SNX29: variants seen among roughly 807,000 people sequenced by gnomAD.
The protein encoded by SNX29 is sorting nexin-29.
SNX29 carries 78 observed loss-of-function variants against 102.1 expected under a neutral mutation model. The ratio of observed to expected loss-of-function variants is 0.76; its 90% confidence interval spans 0.64 to 0.92. The LOEUF is 0.92. Ranked by LOEUF, SNX29 falls within the 40% of genes least tolerant of loss-of-function variation. The pLI is 0.00. For synonymous variants in SNX29, 580 were observed against 414.5 expected (o/e 1.40, Z -4.85); for missense variants, 1,280 against 1,061.7 (o/e 1.21, Z -2.86).
At position 12,569,770 on chromosome 16, in the gene SNX29, C is replaced by T; in HGVS notation, c.*1141C>T. 4.3e-6 allele frequency: 1 copy of T among 230,576 alleles called. No homozygotes were observed. The highest frequency in any genetic ancestry group is 8.6e-6 in the Non-Finnish European group (1 of 116,314). 14.3% of individuals were successfully genotyped at this position (230,576 alleles called of 1,614,324 possible). ...CTCCAGTGAGCTCACATCAGAGCAC[C>T]TCACAGAGCAATAGCCGTCCTCAGA... On this transcript the variant is annotated 3_prime_UTR_variant, in exon 21 of 21. Transcript: ENST00000566228.
intron 15 of SNX29, among the ~76,000 whole-genome samples, chr16:12,290,205 C>G (rs901611927): frequency 1.3e-5 from 2 of 152,064 alleles, no homozygotes; most frequent in Non-Finnish European, 2.9e-5. Context: ...AGCCTTTTTG[C>G]TATACTCTTG....
intron 13 of SNX29, among the ~76,000 whole-genome samples, chr16:12,173,139 C>T (rs2076185344): frequency 6.6e-6 from 1 of 152,126 alleles, no homozygotes. Context: ...TCTGTGGAAC[C>T]GACAACCTCT....
At chr16:12,282,945 C>T (rs192560347) in intron 15 of SNX29, among the ~76,000 whole-genome samples, 3 of 152,358 alleles carry the variant, frequency 2.0e-5, no homozygotes, top group Admixed American at 2.0e-4. Context: ...GCGTGAGCCA[C>T]TGCACTCGGC....
chr16:12,542,020 C>T (rs552846826), intron 20 of SNX29, among the ~76,000 whole-genome samples: 1 of 152,046 alleles, frequency 6.6e-6, no homozygotes, highest in African/African-American at 2.4e-5. Flanking sequence ...CAGCACCGCT[C>T]TGTTTTTTCT....
chr16:12,078,744 A>G, intron 10 of SNX29, 89 bp from the exon 11 acceptor site: 1 of 1,078,484 alleles, frequency 9.3e-7, no homozygotes, highest in South Asian at 1.3e-5. Flanking sequence ...GAGGTACCGG[A>G]GTAAACCGAC....
intron 19 of SNX29, among the ~76,000 whole-genome samples, chr16:12,488,010 A>G (rs1376424960): frequency 2.0e-5 from 3 of 152,172 alleles, no homozygotes; most frequent in Non-Finnish European, 4.4e-5. Flanking sequence ...AAAACATCTC[A>G]GGGGAGAGAC....
At chr16:12,483,116 T>TTG (rs2088035503) in intron 19 of SNX29, among the ~76,000 whole-genome samples, 1 of 93,074 alleles carries the variant, frequency 1.1e-5, no homozygotes, top group African/African-American at 5.5e-5. Context: ...GTTATTAAGT[T>TTG]TTTTTTTTTT....
chr16:12,024,601 T>C (rs2057136514), intron 3 of SNX29, among the ~76,000 whole-genome samples: 1 of 152,170 alleles, frequency 6.6e-6, no homozygotes, highest in African/African-American at 2.4e-5. Context: ...ATTCGTGCAG[T>C]GTTAGGTTAG....
intron 13 of SNX29, among the ~76,000 whole-genome samples, chr16:12,151,097 T>A (rs1196412059): frequency 6.6e-6 from 1 of 152,236 alleles, no homozygotes; most frequent in Non-Finnish European, 1.5e-5. Context: ...CAAAAATAGA[T>A]GGAATAGTGT....
intron 15 of SNX29, among the ~76,000 whole-genome samples, chr16:12,286,555 C>T (rs2079606250): frequency 6.6e-6 from 1 of 151,670 alleles, no homozygotes; most frequent in African/African-American, 2.4e-5. Flanking sequence ...CCGTGTAAGC[C>T]AGGATGGTCT....
At chr16:12,283,332 CTTTTTT>C (rs1214287781) in intron 15 of SNX29, among the ~76,000 whole-genome samples, 1 of 120,082 alleles carries the variant, frequency 8.3e-6, no homozygotes, top group Non-Finnish European at 1.8e-5. Context: ...TTTTCTTTTT[CTTTTTT>C]GAGACAGAGC....
At chr16:12,508,743 C>T (rs1376546235) in intron 19 of SNX29, among the ~76,000 whole-genome samples, 2 of 152,158 alleles carry the variant, frequency 1.3e-5, no homozygotes, top group Non-Finnish European at 2.9e-5. Context: ...TTTATCTCCA[C>T]CAGCTCCAGG....
chr16:12,431,794 G>A (rs796761603), intron 18 of SNX29, among the ~76,000 whole-genome samples: 10 of 152,308 alleles, frequency 6.6e-5, no homozygotes, highest in African/African-American at 2.4e-4. Flanking sequence ...CTGTGAGGTC[G>A]GGTAATGCTC....
At chr16:12,568,473 A>C in intron 20 of SNX29, 33 bp from the exon 21 acceptor site, 1 of 1,606,200 alleles carries the variant, frequency 6.2e-7, no homozygotes. Context: ...TTTCATCCCC[A>C]GACTTAACCC....
intron 20 of SNX29, among the ~76,000 whole-genome samples, chr16:12,547,001 C>G (rs1332552423): frequency 6.6e-6 from 1 of 152,086 alleles, no homozygotes; most frequent in Non-Finnish European, 1.5e-5. Context: ...TGCACCATTT[C>G]AGATCCTGAT....
At chr16:12,116,830 A>G (rs1328012793) in intron 11 of SNX29, among the ~76,000 whole-genome samples, 2 of 152,146 alleles carry the variant, frequency 1.3e-5, no homozygotes, top group African/African-American at 4.8e-5. Context: ...GGCTTAGTCA[A>G]TACGTGCTTC....
At chr16:12,562,342 ATTTCCCCC>A (rs1377277465) in intron 20 of SNX29, among the ~76,000 whole-genome samples, 6 of 151,734 alleles carry the variant, frequency 4.0e-5, no homozygotes, top group African/African-American at 7.3e-5. Flanking sequence ...AGATTCTGTG[ATTTCCCCC>A]TTTATTTTTG....
intron 1 of SNX29, among the ~76,000 whole-genome samples, chr16:11,997,540 C>T (rs543485421): frequency 6.7e-4 from 101 of 151,774 alleles, no homozygotes; most frequent in African/African-American, 2.2e-3. Context: ...TGCAGTGGCA[C>T]GATCTCAGCT....
At chr16:12,488,285 T>C (rs1448399529) in intron 19 of SNX29, among the ~76,000 whole-genome samples, 2 of 151,964 alleles carry the variant, frequency 1.3e-5, no homozygotes, top group East Asian at 3.9e-4. Flanking sequence ...TGGTCTCAAG[T>C]TGTAGAACTT....
Sources: gnomAD v4.1 joint callset for allele counts (sites outside exome capture counted in the v4.1 genomes callset) on GRCh38, gnomAD v4.1.1 for gene constraint, MANE v1.5 for transcripts, NCBI Gene and HGNC (gene_info 2026-07-23, HGNC 2026-07-21) for gene names.